Variants in SLC12A1 observed in about 807,000 individuals in gnomAD.
SLC12A1 encodes the protein Na-K-2Cl cotransporter.
Under a neutral mutation model 130.4 loss-of-function variants are expected in SLC12A1, and 89 were observed. That is an observed-to-expected ratio of 0.68 (90% CI 0.58 to 0.81). The LOEUF is 0.81. Ranked by LOEUF, SLC12A1 falls within the 40% of genes least tolerant of loss-of-function variation. SLC12A1 has a pLI of 0.00. For missense variants in SLC12A1, 1,310 were observed against 1,336.4 expected, an observed-to-expected ratio of 0.98 and a Z score of 0.31; for synonymous variants, 499 against 460.0, an observed-to-expected ratio of 1.08 and a Z score of -1.09.
At chr15:48,255,945 C>G in intron 16 of SLC12A1, 35 bp downstream of exon 16, 1 of 1,337,706 alleles carries the variant, frequency 7.5e-7, no homozygotes, top group Non-Finnish European at 1.1e-6. Flanking sequence ...TGGTGTTTTT[C>G]CACCCTAGAA....
At position 48,207,919 on chromosome 15, in the gene SLC12A1, A is replaced by G. The variant is rs139471047; in HGVS notation, c.200A>G (p.Gln67Arg). Reference protein sequence around the residue: ...RLRISFRPGNQECYDNFLQSG... With the variant: ...RLRISFRPGNRECYDNFLQSG... Reference sequence around the variant, plus strand: ...AGAATCAGCTTTAGGCCTGGGAATCAGGAGTGCTATGACAATTTCCTCCAA... The same window carrying G: ...AGAATCAGCTTTAGGCCTGGGAATCGGGAGTGCTATGACAATTTCCTCCAA... The change falls in exon 2 of 27, where the codon CAG (glutamine) becomes CGG (arginine). Residue 67 changes from glutamine (Q) to arginine (R), a missense_variant. By Grantham distance (43) the Gln-to-Arg change is conservative. Coordinates refer to ENST00000380993, the MANE Select transcript of SLC12A1 (RefSeq NM_000338.3). 2.6e-5 allele frequency: 42 copies of G among 1,614,060 alleles called. No homozygotes were observed. The African/African-American group carries it at 5.2e-4, about 20-fold the overall frequency.
At chr15:48,260,435 G>A (rs777293522) in intron 17 of SLC12A1, among the ~76,000 whole-genome samples, 4 of 150,224 alleles carry the variant, frequency 2.7e-5, no homozygotes, top group Non-Finnish European at 4.4e-5. Flanking sequence ...AAGTACTTAC[G>A]TATTCTTCAA....
Position 48,229,319 on chromosome 15 carries a change from T to C in SLC12A1, c.855T>C (p.Asp285=), listed in dbSNP as rs2041337761. Residue 285 remains aspartate (D), a synonymous_variant, in exon 6 of 27, where the codon GAT becomes GAC. Transcript: ENST00000380993. ...YVVGFAETVV[D]LLKESDSMMV... is the part of the protein sequence containing the mutation. The stretch of plus-strand genomic sequence containing the variant: ...TGGGATTTGCTGAGACTGTAGTAGA[T>C]CTTCTTAAGGTAATTAAAAGCTTTT... 1 of 1,599,204 alleles carries C rather than the reference T, an allele frequency of 6.3e-7. No individual in the cohort carries two copies. Among genetic ancestry groups the C allele is most frequent in the Non-Finnish European group, 8.5e-7 (1 of 1,172,244 alleles).
intron 4 of SLC12A1, chr15:48,221,328 A>T: frequency 1.4e-6 from 1 of 701,820 alleles, no homozygotes; most frequent in Non-Finnish European, 2.6e-6. Context: ...TTTGCCTCTC[A>T]TTTGTTACAG....
At chr15:48,264,622 C>T (rs1207086986) in intron 17 of SLC12A1, among the ~76,000 whole-genome samples, 2 of 152,008 alleles carry the variant, frequency 1.3e-5, no homozygotes, top group Non-Finnish European at 2.9e-5. Context: ...TGGGCACTAG[C>T]ATGTATGGTA....
intron 2 of SLC12A1, among the ~76,000 whole-genome samples, chr15:48,219,412 T>G (rs1033901536): frequency 6.6e-6 from 1 of 151,838 alleles, no homozygotes; most frequent in Non-Finnish European, 1.5e-5. Context: ...AAAAAGTACC[T>G]TGGCGTGGTG....
At chr15:48,245,568 G>C (rs928126700) in intron 11 of SLC12A1, among the ~76,000 whole-genome samples, 3 of 152,138 alleles carry the variant, frequency 2.0e-5, no homozygotes, top group Non-Finnish European at 4.4e-5. Context: ...ATGGCCTCTA[G>C]CTGCATCCAC....
chr15:48,272,742 T>C (rs2041911018), intron 19 of SLC12A1, among the ~76,000 whole-genome samples: 1 of 152,186 alleles, frequency 6.6e-6, no homozygotes, highest in African/African-American at 2.4e-5. Context: ...TGGTTTAATT[T>C]TAATTAGAAT....
chr15:48,302,419 G>A (rs920342231), intron 26 of SLC12A1, among the ~76,000 whole-genome samples: 10 of 151,686 alleles, frequency 6.6e-5, no homozygotes, highest in African/African-American at 2.4e-4. Flanking sequence ...AGGAGATCGA[G>A]ACCATCCTGG....
chr15:48,257,765 T>C lies in SLC12A1; in HGVS notation c.2043-1435T>C, dbSNP rs1235383700. 2.0e-5 allele frequency among the ~76,000 whole-genome samples: 3 copies of C among 152,168 alleles called. No individual in the cohort carries two copies. The South Asian group carries it at 6.2e-4, about 32-fold the overall frequency. ...CCCTCCTGGGCCTCCAGGCCTGTGATGAGAGAGGCTGCTGTGAAGTTCTCT... is the reference window on the plus strand; with the variant it reads ...CCCTCCTGGGCCTCCAGGCCTGTGACGAGAGAGGCTGCTGTGAAGTTCTCT... On this transcript the variant is annotated intron_variant, in intron 16 of 26. Coordinates refer to ENST00000380993, the MANE Select transcript of SLC12A1 (RefSeq NM_000338.3).
chr15:48,250,492 T>C (rs1225573479), intron 14 of SLC12A1, among the ~76,000 whole-genome samples: 1 of 152,208 alleles, frequency 6.6e-6, no homozygotes, highest in Non-Finnish European at 1.5e-5. Context: ...TTGTGTGTTT[T>C]GTTAACACAG....
chr15:48,226,001 T>C (rs2041281113), intron 4 of SLC12A1: 1 of 498,522 alleles, frequency 2.0e-6, no homozygotes, highest in Non-Finnish European at 2.6e-6. Context: ...CAACACAGGC[T>C]CTAACAGTTC....
intron 20 of SLC12A1, 54 bp downstream of exon 20, chr15:48,274,707 C>G: frequency 7.9e-7 from 1 of 1,258,572 alleles, no homozygotes; most frequent in African/African-American, 1.5e-5. Flanking sequence ...CTACTTTGTG[C>G]CTGACATTGT....
At chr15:48,230,070 C>T (rs1014944366) in intron 6 of SLC12A1, among the ~76,000 whole-genome samples, 2 of 152,174 alleles carry the variant, frequency 1.3e-5, no homozygotes, top group African/African-American at 4.8e-5. Context: ...TTCCCCTTGA[C>T]ACACAGAAAT....
chr15:48,226,585 G>A lies in SLC12A1; in HGVS notation c.724+14G>A. Reference sequence around the variant, plus strand: ...TTGTTCGTGGAGGTAAAATCTCTAAGATATCTAATGCCCTCATCACTTGCT... The same window carrying A: ...TTGTTCGTGGAGGTAAAATCTCTAAAATATCTAATGCCCTCATCACTTGCT... On this transcript the variant is annotated intron_variant, in intron 5 of 26. Coordinates refer to ENST00000380993, the MANE Select transcript of SLC12A1 (RefSeq NM_000338.3). The A allele has an allele frequency of 6.6e-7, 1 of 1,512,474 alleles. No homozygotes were observed. The highest frequency in any genetic ancestry group is 9.2e-7 in the Non-Finnish European group (1 of 1,089,254). The allele number at this position is 1,512,474 out of a possible 1,614,324, so 93.7% of individuals were successfully genotyped here. A position where few individuals can be genotyped will look rare whatever the true frequency, so the allele number is the denominator to read the frequency against.
Position 48,220,681 on chromosome 15 carries a change from T to G in SLC12A1, c.468T>G (p.Asp156Glu). 6.2e-7 allele frequency: 1 copy of G among 1,613,752 alleles called. No individual in the cohort carries two copies. Among genetic ancestry groups the G allele is most frequent in the Non-Finnish European group, 8.5e-7 (1 of 1,179,750 alleles). The change falls in exon 3 of 27, where the codon GAT (aspartate) becomes GAG (glutamate). Residue 156 changes from aspartate to glutamate, a missense_variant. Transcript: ENST00000380993. The part of the protein sequence containing the change: ...PSSADRVANG[D>E]GIPGDEQAEN... ...CAGCTGACAGAGTTGCTAACGGTGA[T>G]GGGATACCTGGAGATGAACAAGCTG...
chr15:48,294,347 CAAAAAAA>C (rs1202623612), intron 24 of SLC12A1, among the ~76,000 whole-genome samples: 4 of 46,348 alleles, frequency 8.6e-5, no homozygotes, highest in East Asian at 6.7e-4. Context: ...GACTACATCT[CAAAAAAA>C]AAAAAAAAAA....
intron 5 of SLC12A1, chr15:48,226,977 G>A: frequency 1.4e-6 from 1 of 739,264 alleles, no homozygotes; most frequent in Non-Finnish European, 2.3e-6. Flanking sequence ...TTTTCACAGG[G>A]AGGTGGATCT....
chr15:48,239,610 T>C (rs1037665135), intron 9 of SLC12A1, among the ~76,000 whole-genome samples: 41 of 152,216 alleles, frequency 2.7e-4, no homozygotes, highest in African/African-American at 9.9e-4. Flanking sequence ...TGAGAGCTTG[T>C]AGCAGACAGT....
Sources: gnomAD v4.1 joint callset for allele counts (sites outside exome capture counted in the v4.1 genomes callset) on GRCh38, gnomAD v4.1.1 for gene constraint, MANE v1.5 for transcripts, NCBI Gene and HGNC (gene_info 2026-07-23, HGNC 2026-07-21) for gene names.